The following GAPDHS variants were observed in gnomAD, a reference collection of about 807,000 sequenced individuals.
The protein encoded by GAPDHS is glyceraldehyde-3-phosphate dehydrogenase, testis-specific.
A neutral mutation model predicts 48.7 loss-of-function variants in GAPDHS; 42 were observed. The ratio of observed to expected loss-of-function variants is 0.86; its 90% CI spans 0.67 to 1.12. The LOEUF is 1.12. Among genes scored for constraint, GAPDHS ranks in the 50% most tolerant of loss-of-function variants. The pLI is 0.00. For synonymous variants in GAPDHS, 166 were observed against 219.1 expected, an observed-to-expected ratio of 0.76 and a Z score of 2.14; for missense variants, 512 against 557.7, an observed-to-expected ratio of 0.92 and a Z score of 0.82.
intron 6 of GAPDHS, 150 bp downstream of exon 6, chr19:35,542,758 CT>C: frequency 1.4e-6 from 1 of 733,356 alleles, no homozygotes; most frequent in Non-Finnish European, 2.4e-6. Context: ...AGAGGACAAG[CT>C]TGGGGAGCCT....
intron 6 of GAPDHS, 146 bp downstream of exon 6, chr19:35,542,754 C>T (rs2071513553): frequency 6.7e-6 from 5 of 746,218 alleles, no homozygotes; most frequent in African/African-American, 3.5e-5. Flanking sequence ...TTCCAGAGGA[C>T]AAGCTTGGGG....
chr19:35,539,360 C>T (rs374157353), intron 4 of GAPDHS, among the ~76,000 whole-genome samples: 6 of 152,304 alleles, frequency 3.9e-5, no homozygotes, highest in African/African-American at 9.6e-5. Flanking sequence ...TGCGAACATC[C>T]GAACATCCGT....
intron 4 of GAPDHS, 124 bp downstream of exon 4, chr19:35,538,807 A>T: frequency 1.4e-6 from 1 of 691,576 alleles, no homozygotes; most frequent in South Asian, 1.6e-5. Flanking sequence ...TTGCGTGTGC[A>T]TGCCTCTAGG....
Position 35,536,801 on chromosome 19 carries a change from T to TC in GAPDHS, c.68-7dup, listed in dbSNP as rs748433073. 5.7e-6 allele frequency: 9 copies of TC among 1,581,020 alleles called. No individual in the cohort carries two copies. The African/African-American group carries it at 1.2e-4, about 21-fold the overall frequency. Reference sequence around the variant, plus strand: ...TGGTCATGCAACCCATTCCCTCCCTTCCCCCGCATAGTGACCAGAGCACCG... The same window carrying TC: ...TGGTCATGCAACCCATTCCCTCCCTTCCCCCCGCATAGTGACCAGAGCACCG... On this transcript the variant is annotated splice_polypyrimidine_tract_variant and intron_variant, in intron 1 of 10. Transcript: ENST00000222286.
At chr19:35,534,432 T>C (rs1343024143) in intron 1 of GAPDHS, among the ~76,000 whole-genome samples, 1 of 152,102 alleles carries the variant, frequency 6.6e-6, no homozygotes, top group Non-Finnish European at 1.5e-5. Flanking sequence ...CAGGCTTCAT[T>C]TTCCCCTCTG....
intron 1 of GAPDHS, among the ~76,000 whole-genome samples, chr19:35,535,488 G>T (rs916059327): frequency 6.6e-6 from 1 of 151,848 alleles, no homozygotes; most frequent in African/African-American, 2.4e-5. Flanking sequence ...GGGTTCAAGC[G>T]ATTCTCCTGC....
chr19:35,536,810 T>C lies in GAPDHS; in HGVS notation c.68-3T>C, dbSNP rs200903529. The C allele has an allele frequency of 8.9e-5, 142 of 1,601,034 alleles. No individual in the cohort carries two copies. The highest frequency in any genetic ancestry group is 1.1e-4 in the Non-Finnish European group (123 of 1,170,204). On this transcript the variant is annotated splice_region_variant and splice_polypyrimidine_tract_variant and intron_variant, in intron 1 of 10. Transcript: ENST00000222286. ...AACCCATTCCCTCCCTTCCCCCGCA[T>C]AGTGACCAGAGCACCGCCCCCACCT... is the stretch of plus-strand genomic sequence containing the variant.
intron 1 of GAPDHS, 83 bp downstream of exon 1, chr19:35,533,677 C>T: frequency 9.4e-7 from 1 of 1,063,762 alleles, no homozygotes; most frequent in Non-Finnish European, 1.4e-6. Flanking sequence ...TGCCGTATCC[C>T]TACCGCCCTT....
At chr19:35,541,960 A>G in intron 4 of GAPDHS, 1 of 252,676 alleles carries the variant, frequency 4.0e-6, no homozygotes, top group Non-Finnish European at 7.8e-6. Context: ...GGCAGGCCTC[A>G]CAGTCACAGA....
At chr19:35,533,662 A>G in intron 1 of GAPDHS, 68 bp downstream of exon 1, 1 of 1,219,572 alleles carries the variant, frequency 8.2e-7, no homozygotes, top group Non-Finnish European at 1.2e-6. Flanking sequence ...GCACCCTCAC[A>G]CCTGTGCCGT....
intron 1 of GAPDHS, among the ~76,000 whole-genome samples, chr19:35,534,846 T>C (rs1160589299): frequency 2.0e-5 from 3 of 152,052 alleles, no homozygotes; most frequent in African/African-American, 2.4e-5. Context: ...ACAGGCCAGC[T>C]GGCCCCCGGC....
At position 35,543,418 on chromosome 19, in the gene GAPDHS, G is replaced by A. The variant is rs1211371401; in HGVS notation, c.820G>A (p.Ala274Thr). ...SRKAWRDGRG[A>T]HQNIIPASTG... ...GAAGGCCTGGCGAGATGGGCGGGGTGCCCACCAGAACATCATCCCAGCCTC... is the reference window on the plus strand; with the variant it reads ...GAAGGCCTGGCGAGATGGGCGGGGTACCCACCAGAACATCATCCCAGCCTC... Residue 274 changes from alanine (A) to threonine (T), a missense_variant, in exon 8 of 11, where the codon GCC becomes ACC. Coordinates refer to ENST00000222286, the MANE Select transcript of GAPDHS (RefSeq NM_014364.5). 9.3e-6 allele frequency: 15 copies of A among 1,611,148 alleles called. No individual in the cohort carries two copies. Among genetic ancestry groups the A allele is most frequent in the East Asian group, 2.2e-5 (1 of 44,876 alleles).
chr19:35,544,053 C>A, intron 9 of GAPDHS: 1 of 670,574 alleles, frequency 1.5e-6, no homozygotes, highest in Non-Finnish European at 2.2e-6. Context: ...CTGGAGGAAC[C>A]TCCCTCTTCA....
At chr19:35,537,785 G>C (rs2071475161) in intron 2 of GAPDHS, among the ~76,000 whole-genome samples, 4 of 151,918 alleles carry the variant, frequency 2.6e-5, no homozygotes, top group Admixed American at 1.3e-4. Context: ...TTAAGAATAG[G>C]GGTTAGGAGC....
Position 35,535,059 on chromosome 19 carries a change from G to T in GAPDHS, c.67+1465G>T, listed in dbSNP as rs1333207262. 2.0e-5 allele frequency among the ~76,000 whole-genome samples: 3 copies of T among 152,308 alleles called. No homozygotes were observed. The East Asian group carries it at 5.8e-4, about 29-fold the overall frequency. On this transcript the variant is annotated intron_variant, in intron 1 of 10. Transcript: ENST00000222286. ...TGCGCCCTCACAGCAGCCCCTAGGT[G>T]GGGGATCAGCCCCAAGAGGTTCATT...
At chr19:35,534,086 C>T (rs1024155201) in intron 1 of GAPDHS, among the ~76,000 whole-genome samples, 7 of 152,226 alleles carry the variant, frequency 4.6e-5, no homozygotes, top group African/African-American at 1.4e-4. Context: ...TCACCACCAC[C>T]TGAGAAGGCC....
Position 35,533,543 on chromosome 19 carries a change from A to ATCGTCC in GAPDHS, c.19_24dup (p.Val7_Leu8dup), listed in dbSNP as rs754870458. 9 of 1,613,632 alleles carry ATCGTCC rather than the reference A, an allele frequency of 5.6e-6. No homozygotes were observed. The highest frequency in any genetic ancestry group is 3.3e-5 in the Admixed American group (2 of 60,004). On this transcript the variant is annotated inframe_insertion, in exon 1 of 11. Transcript: ENST00000222286. Reference sequence around the variant, plus strand: ...ATAAGAGGCCATGTCGAAGCGCGACATCGTCCTCACCAATGTCACCGTTGT... The same window carrying ATCGTCC: ...ATAAGAGGCCATGTCGAAGCGCGACATCGTCCTCGTCCTCACCAATGTCACCGTTGT...
chr19:35,535,960 G>T (rs1432408406), intron 1 of GAPDHS, among the ~76,000 whole-genome samples: 2 of 150,206 alleles, frequency 1.3e-5, no homozygotes, highest in African/African-American at 4.9e-5. Context: ...AGCTGGTCTT[G>T]AACTCCTGAC....
At chr19:35,535,059 G>A (rs1333207262) in intron 1 of GAPDHS, among the ~76,000 whole-genome samples, 1 of 152,190 alleles carries the variant, frequency 6.6e-6, no homozygotes, top group Non-Finnish European at 1.5e-5. Flanking sequence ...GCCCCTAGGT[G>A]GGGGATCAGC....
Sources: allele counts gnomAD v4.1 joint callset (sites outside exome capture counted in the v4.1 genomes callset), GRCh38; gene constraint gnomAD v4.1.1; transcripts MANE v1.5; gene names NCBI Gene and HGNC (gene_info 2026-07-23, HGNC 2026-07-21).